The following LHFPL6 variants were observed in gnomAD, a reference collection of about 807,000 sequenced individuals.
LHFPL6 encodes the protein LHFPL tetraspan subfamily member 6 protein.
Under a neutral mutation model 20.6 loss-of-function variants are expected in LHFPL6, and 9 were observed. The ratio of observed to expected loss-of-function variants is 0.44; its 90% CI spans 0.26 to 0.76. The LOEUF is 0.76. LHFPL6 is among the 30% of genes least tolerant of loss of function. The pLI is 0.20. For synonymous variants in LHFPL6, 105 were observed against 98.7 expected, an observed-to-expected ratio of 1.06 and a Z score of -0.38; for missense variants, 218 against 253.5, an observed-to-expected ratio of 0.86 and a Z score of 0.95.
chr13:39,460,859 G>C (rs1872671549), intron 2 of LHFPL6, among the ~76,000 whole-genome samples: 1 of 152,220 alleles, frequency 6.6e-6, no homozygotes, highest in Admixed American at 6.5e-5. Flanking sequence ...TTAGGTTCAG[G>C]GGGTGCATGT....
At chr13:39,456,763 GA>G (rs1268063324) in intron 2 of LHFPL6, among the ~76,000 whole-genome samples, 1 of 149,900 alleles carries the variant, frequency 6.7e-6, no homozygotes, top group Non-Finnish European at 1.5e-5. Context: ...GAAAACACAG[GA>G]AAAAACATTT....
chr13:39,440,165 A>G (rs1054996261), intron 2 of LHFPL6, among the ~76,000 whole-genome samples: 7 of 152,226 alleles, frequency 4.6e-5, no homozygotes, highest in Non-Finnish European at 8.8e-5. Context: ...TTAGAGAGTT[A>G]TCTGGAGAGA....
rs1369657611 is a variant in LHFPL6 at position 39,378,423 on chromosome 13, C to T, written c.484+5G>A. 1.2e-6 allele frequency: 2 copies of T among 1,612,374 alleles called. No homozygotes were observed. Among genetic ancestry groups the T allele is most frequent in the Non-Finnish European group, 1.7e-6 (2 of 1,178,586 alleles). On this transcript the variant is annotated splice_donor_5th_base_variant and intron_variant, in intron 3 of 3. Transcript: ENST00000379589. ...AAAGGAGTGCCATCCATGAAGAAAG[C>T]TTACCCAGGTCAAACTGGCCAGAAG...
intron 2 of LHFPL6, among the ~76,000 whole-genome samples, chr13:39,593,915 G>A (rs187969306): frequency 4.6e-5 from 7 of 152,290 alleles, no homozygotes; most frequent in African/African-American, 1.4e-4. Flanking sequence ...CTAGCCATAT[G>A]TAAAAAGCTG....
chr13:39,572,327 T>TGA lies in LHFPL6; in HGVS notation c.385+28504_385+28505insTC, dbSNP rs1290487985. Reference sequence around the variant, plus strand: ...GTGTGTGTGTGTGTGTGTGTGTGTGTGTGACAGTCCCCAGTGAGAATCAGT... The same window carrying TGA: ...GTGTGTGTGTGTGTGTGTGTGTGTGTGAGTGACAGTCCCCAGTGAGAATCAGT... On this transcript the variant is annotated intron_variant, in intron 2 of 3. Coordinates refer to ENST00000379589, the MANE Select transcript of LHFPL6 (RefSeq NM_005780.3). 4.1e-5 allele frequency among the ~76,000 whole-genome samples: 6 copies of TGA among 146,418 alleles called. No homozygotes were observed. In the East Asian group the frequency reaches 1.1e-3, roughly 26 times the overall value.
intron 2 of LHFPL6, among the ~76,000 whole-genome samples, chr13:39,465,946 C>T (rs1872794893): frequency 1.3e-5 from 2 of 151,878 alleles, no homozygotes; most frequent in Admixed American, 6.6e-5. Context: ...GGATGGGTGG[C>T]GGCTTCCTCC....
intron 2 of LHFPL6, among the ~76,000 whole-genome samples, chr13:39,388,627 C>G (rs1173838585): frequency 5.9e-5 from 9 of 152,078 alleles, no homozygotes; most frequent in Admixed American, 3.9e-4. Context: ...GAGGTAACAC[C>G]TTGAACATTT....
At chr13:39,565,819 C>T (rs1871695507) in intron 2 of LHFPL6, among the ~76,000 whole-genome samples, 1 of 152,220 alleles carries the variant, frequency 6.6e-6, no homozygotes, top group African/African-American at 2.4e-5. Flanking sequence ...CAGCCACCTA[C>T]ACTGGGGCTC....
chr13:39,404,278 T>C (rs1368812351), intron 2 of LHFPL6, among the ~76,000 whole-genome samples: 1 of 152,186 alleles, frequency 6.6e-6, no homozygotes, highest in Non-Finnish European at 1.5e-5. Context: ...ATGACCAAAC[T>C]AGTTTAGTCA....
chr13:39,396,966 T>C lies in LHFPL6; in HGVS notation c.386-18440A>G, dbSNP rs564708163. Among the ~76,000 whole-genome samples the C allele has an allele frequency of 2.6e-5, 4 of 152,224 alleles. No homozygotes were observed. In the South Asian group the frequency reaches 6.2e-4, roughly 24 times the overall value. On this transcript the variant is annotated intron_variant, in intron 2 of 3. Coordinates refer to ENST00000379589, the MANE Select transcript of LHFPL6 (RefSeq NM_005780.3). ...TTCTCTAGAACCTTCAGAGGGAGCATGGCCCTGCCAACAACTTTATTTCAG... is the reference window on the plus strand; with the variant it reads ...TTCTCTAGAACCTTCAGAGGGAGCACGGCCCTGCCAACAACTTTATTTCAG...
chr13:39,462,616 T>TG (rs1428206597), intron 2 of LHFPL6, among the ~76,000 whole-genome samples: 3 of 152,172 alleles, frequency 2.0e-5, no homozygotes, highest in African/African-American at 7.2e-5. Context: ...GACCAGGCTA[T>TG]GTGCTATTCA....
chr13:39,356,939 G>A (rs1869741618), intron 3 of LHFPL6, among the ~76,000 whole-genome samples: 1 of 152,210 alleles, frequency 6.6e-6, no homozygotes, highest in African/African-American at 2.4e-5. Flanking sequence ...GAAGGCCAAG[G>A]CTGGCAGATC....
chr13:39,555,638 T>C (rs1871283177), intron 2 of LHFPL6, among the ~76,000 whole-genome samples: 1 of 152,196 alleles, frequency 6.6e-6, no homozygotes. Context: ...GAAGGCAAGA[T>C]ATTTAGTAAC....
chr13:39,478,205 T>C (rs551171631), intron 2 of LHFPL6, among the ~76,000 whole-genome samples: 103 of 152,254 alleles, frequency 6.8e-4, no homozygotes, highest in African/African-American at 2.1e-3. Context: ...AGTTAATACA[T>C]TCCACCTAGA....
chr13:39,485,002 C>CA (rs1417995194), intron 2 of LHFPL6, among the ~76,000 whole-genome samples: 14 of 152,216 alleles, frequency 9.2e-5, no homozygotes, highest in African/African-American at 2.4e-4. Context: ...CAGTTTTCAT[C>CA]TATAGAAGAT....
intron 2 of LHFPL6, among the ~76,000 whole-genome samples, chr13:39,394,996 G>A (rs897386125): frequency 4.6e-5 from 7 of 152,112 alleles, no homozygotes; most frequent in Middle Eastern, 3.2e-3. Context: ...GTGAGACACC[G>A]GCTTCCCCAA....
chr13:39,508,169 T>C (rs1278728382), intron 2 of LHFPL6, among the ~76,000 whole-genome samples: 1 of 151,736 alleles, frequency 6.6e-6, no homozygotes, highest in Non-Finnish European at 1.5e-5. Context: ...GGATTACAGG[T>C]GTGCACAACC....
intron 3 of LHFPL6, among the ~76,000 whole-genome samples, chr13:39,369,604 TCTC>T (rs1566095682): frequency 9.5e-5 from 10 of 105,376 alleles, no homozygotes; most frequent in African/African-American, 2.1e-4. Context: ...CCTTCCTCCC[TCTC>T]TCCCTCCCTT....
At chr13:39,407,124 C>A (rs1034649576) in intron 2 of LHFPL6, among the ~76,000 whole-genome samples, 2 of 152,190 alleles carry the variant, frequency 1.3e-5, no homozygotes, top group Non-Finnish European at 2.9e-5. Flanking sequence ...TAACATCCTT[C>A]ATTGCTTCAG....
Sources: gnomAD v4.1 joint callset for allele counts (sites outside exome capture counted in the v4.1 genomes callset) on GRCh38, gnomAD v4.1.1 for gene constraint, MANE v1.5 for transcripts, NCBI Gene and HGNC (gene_info 2026-07-23, HGNC 2026-07-21) for gene names.